PHACTR3: variants seen among roughly 807,000 people sequenced by gnomAD.
PHACTR3 encodes the protein protein phosphatase 1, regulatory subunit 123.
A neutral mutation model predicts 66.8 loss-of-function variants in PHACTR3; 16 were observed. The observed-to-expected ratio is 0.24, with a 90% CI of 0.16 to 0.36. The LOEUF is 0.36. Among genes scored for constraint, PHACTR3 ranks in the 10% least tolerant of loss-of-function variants. The pLI is 1.00. For missense variants in PHACTR3, 647 were observed against 719.9 expected (o/e 0.90, Z 1.16); for synonymous variants, 323 against 292.1 (o/e 1.11, Z -1.08).
At chr20:59,686,336 C>T (rs1333328108) in intron 1 of PHACTR3, among the ~76,000 whole-genome samples, 1 of 152,200 alleles carries the variant, frequency 6.6e-6, no homozygotes, top group Non-Finnish European at 1.5e-5. Flanking sequence ...ACCTCAGTCT[C>T]CTCATCTATA....
At position 59,607,811 on chromosome 20, in the gene PHACTR3, C is replaced by T. The variant is rs1049681925; in HGVS notation, c.118+2679C>T. Among the ~76,000 whole-genome samples, 8 of 152,298 alleles carry T rather than the reference C, an allele frequency of 5.3e-5. 1 individual carries two copies. The South Asian group carries it at 1.7e-3, about 32-fold the overall frequency. ...ATATCCATCTCCCTTTCCCTTTTAACACCCACACAGGATGCCAAGAAACAA... is the reference window on the plus strand; with the variant it reads ...ATATCCATCTCCCTTTCCCTTTTAATACCCACACAGGATGCCAAGAAACAA... On this transcript the variant is annotated intron_variant, in intron 1 of 12. Transcript: ENST00000371015.
At chr20:59,752,577 C>CAGAAAACCTGCAAGAAGTCCTTGT (rs2039635299) in intron 3 of PHACTR3, among the ~76,000 whole-genome samples, 1 of 152,258 alleles carries the variant, frequency 6.6e-6, no homozygotes, top group South Asian at 2.1e-4. Flanking sequence ...GAAGTCCTTG[C>CAGAAAACCTGCAAGAAGTCCTTGT]AGAAAACCTG....
chr20:59,607,038 A>C (rs754084782), intron 1 of PHACTR3, among the ~76,000 whole-genome samples: 4 of 152,078 alleles, frequency 2.6e-5, no homozygotes, highest in Non-Finnish European at 4.4e-5. Context: ...GTTGGAGGGA[A>C]CTTGGGAACT....
At chr20:59,821,585 TAAGAAGGG>T (rs2145421054) in intron 8 of PHACTR3, among the ~76,000 whole-genome samples, 1 of 152,256 alleles carries the variant, frequency 6.6e-6, no homozygotes, top group South Asian at 2.1e-4. Context: ...CATTCAGGCA[TAAGAAGGG>T]GAGAAGGGAG....
At chr20:59,637,696 T>A (rs74779650) in intron 1 of PHACTR3, among the ~76,000 whole-genome samples, 1 of 143,218 alleles carries the variant, frequency 7.0e-6, no homozygotes. Flanking sequence ...CACAAAGCAT[T>A]AAAAAAAAAA....
At chr20:59,704,760 A>ATT (rs11411434) in intron 1 of PHACTR3, among the ~76,000 whole-genome samples, 1 of 151,066 alleles carries the variant, frequency 6.6e-6, no homozygotes, top group African/African-American at 2.4e-5. Context: ...CCTTTATTAT[A>ATT]TTTTTTTCAA....
intron 1 of PHACTR3, among the ~76,000 whole-genome samples, chr20:59,587,390 C>T (rs1388094686): frequency 6.6e-6 from 1 of 152,250 alleles, no homozygotes; most frequent in African/African-American, 2.4e-5. Flanking sequence ...TGACCTTGTA[C>T]ATGTTCACCC....
At chr20:59,792,946 A>G (rs924466330) in intron 7 of PHACTR3, among the ~76,000 whole-genome samples, 5 of 152,144 alleles carry the variant, frequency 3.3e-5, no homozygotes, top group African/African-American at 1.2e-4. Flanking sequence ...GTGCAGTGGT[A>G]TAACCACAGC....
chr20:59,582,767 G>A (rs1224250785), intron 1 of PHACTR3, among the ~76,000 whole-genome samples: 3 of 152,122 alleles, frequency 2.0e-5, no homozygotes, highest in East Asian at 1.9e-4. Flanking sequence ...GGGGTCGTTC[G>A]TGTGTTTCCG....
intron 1 of PHACTR3, among the ~76,000 whole-genome samples, chr20:59,735,772 A>G (rs1568760828): frequency 6.6e-6 from 1 of 152,120 alleles, no homozygotes; most frequent in Non-Finnish European, 1.5e-5. Context: ...CATGGAGCTT[A>G]TGTTTGTTCT....
intron 1 of PHACTR3, among the ~76,000 whole-genome samples, chr20:59,634,767 T>C (rs370438156): frequency 2.0e-5 from 3 of 152,252 alleles, no homozygotes; most frequent in East Asian, 1.9e-4. Flanking sequence ...GGAAATGGTC[T>C]AGGTCTGCGC....
chr20:59,843,804 AG>A (rs2059105323), intron 11 of PHACTR3: 1 of 152,156 alleles, frequency 6.6e-6, no homozygotes, highest in South Asian at 2.1e-4. Flanking sequence ...TCAAAAGCAC[AG>A]ATAGCAACCA....
At position 59,777,729 on chromosome 20, in the gene PHACTR3, A is replaced by G. The variant is rs185532512; in HGVS notation, c.1174+3239A>G. On this transcript the variant is annotated intron_variant, in intron 7 of 12. Transcript: ENST00000371015. ...TCTAATTTTGTCTGTATGAGGGATCATGCTGGTATCTGTCTGTGTCCCGTG... is the reference window on the plus strand; with the variant it reads ...TCTAATTTTGTCTGTATGAGGGATCGTGCTGGTATCTGTCTGTGTCCCGTG... Among the ~76,000 whole-genome samples, 689 of 152,310 alleles carry G rather than the reference A, an allele frequency of 4.5e-3. 3 individuals are homozygous for G. Among genetic ancestry groups the G allele is most frequent in the African/African-American group, 0.016 (651 of 41,548 alleles).
At chr20:59,623,995 A>G (rs971114288) in intron 1 of PHACTR3, among the ~76,000 whole-genome samples, 7 of 152,026 alleles carry the variant, frequency 4.6e-5, no homozygotes, top group African/African-American at 1.7e-4. Flanking sequence ...GTTTCCCAAG[A>G]GAGGAAATGG....
rs149954065 is a variant in PHACTR3, at chr20:59,809,581, A to G, written c.1328+3387A>G. 7.4e-3 allele frequency among the ~76,000 whole-genome samples: 1,129 copies of G among 152,286 alleles called. 20 individuals carry two copies. The highest frequency in any genetic ancestry group is 0.025 in the African/African-American group (1,050 of 41,544). ...CTAATCCTTCCCCATTTTGAGTTACATGATTCTTCTCTCTGGGGCTTGTAT... is the reference window on the plus strand; with the variant it reads ...CTAATCCTTCCCCATTTTGAGTTACGTGATTCTTCTCTCTGGGGCTTGTAT... On this transcript the variant is annotated intron_variant, in intron 8 of 12. Coordinates refer to ENST00000371015, the MANE Select transcript of PHACTR3 (RefSeq NM_080672.5).
At position 59,738,604 on chromosome 20, in the gene PHACTR3, G is replaced by A. The variant is rs2146748642; in HGVS notation, c.119-4503G>A. The stretch of plus-strand genomic sequence containing the variant: ...TTTGCCTTGGCTGCTAGGAAGCTCA[G>A]GGCACACAAATACCCTCCTCTGGAG... On this transcript the variant is annotated intron_variant, in intron 1 of 12. Coordinates refer to ENST00000371015, the MANE Select transcript of PHACTR3 (RefSeq NM_080672.5). This position sits in a 1 kb window ranked among gnomAD's most constrained non-coding sequence, Gnocchi z 4.4. 6.6e-6 allele frequency among the ~76,000 whole-genome samples: 1 copy of A among 152,180 alleles called. No individual in the cohort carries two copies. The highest frequency in any genetic ancestry group is 6.5e-5 in the Admixed American group (1 of 15,286).
At chr20:59,637,453 A>C (rs986896705) in intron 1 of PHACTR3, among the ~76,000 whole-genome samples, 2 of 152,218 alleles carry the variant, frequency 1.3e-5, no homozygotes, top group African/African-American at 4.8e-5. Flanking sequence ...TCTTGGGATT[A>C]CATAGTTGGC....
chr20:59,774,107 G>T, intron 6 of PHACTR3, 136 bp from the exon 7 acceptor site: 2 of 1,112,084 alleles, frequency 1.8e-6, no homozygotes, highest in Non-Finnish European at 2.5e-6. Flanking sequence ...CTTCTGGTGT[G>T]TCCAGGATAA....
At chr20:59,789,180 G>A (rs1371647033) in intron 7 of PHACTR3, among the ~76,000 whole-genome samples, 1 of 152,186 alleles carries the variant, frequency 6.6e-6, no homozygotes, top group Admixed American at 6.5e-5. Context: ...TTCTGGGGGA[G>A]GCATCTTCCT....
Sources: gnomAD v4.1 joint callset for allele counts (sites outside exome capture counted in the v4.1 genomes callset) on GRCh38, gnomAD v4.1.1 for gene constraint, Gnocchi (gnomAD v3.1) non-coding constraint, MANE v1.5 for transcripts, NCBI Gene and HGNC (gene_info 2026-07-23, HGNC 2026-07-21) for gene names.